FGD6: variants seen among roughly 807,000 people sequenced by gnomAD.
FGD6 encodes FYVE, RhoGEF and PH domain containing 6, also known as FYVE, RhoGEF and PH domain-containing protein 6.
FGD6 carries 90 observed loss-of-function variants against 149.4 expected under a neutral mutation model. The ratio of observed to expected loss-of-function variants is 0.60; its 90% CI spans 0.51 to 0.72. The LOEUF (loss-of-function observed/expected upper bound fraction) is 0.72. FGD6 is among the 30% of genes least tolerant of loss of function. FGD6 has a pLI of 0.00. For missense variants in FGD6, 1,437 were observed against 1,684.8 expected (o/e 0.85, Z 2.57); for synonymous variants, 527 against 584.0 (o/e 0.90, Z 1.41).
chr12:95,165,993 C>T (rs1280594069), intron 3 of FGD6, among the ~76,000 whole-genome samples: 4 of 143,608 alleles, frequency 2.8e-5, no homozygotes, highest in African/African-American at 1.0e-4. Context: ...TAGGGTCTTG[C>T]TCTGTTGCTC....
chr12:95,137,713 AAG>A, intron 6 of FGD6, 35 bp from the exon 7 acceptor site: 2 of 1,474,112 alleles, frequency 1.4e-6, no homozygotes, highest in African/African-American at 1.4e-5. Context: ...AAAAAATATA[AAG>A]AGAGATTGAT....
chr12:95,153,307 AG>A (rs1880364690), intron 3 of FGD6, among the ~76,000 whole-genome samples: 1 of 152,224 alleles, frequency 6.6e-6, no homozygotes, highest in South Asian at 2.1e-4. Context: ...AAAAGGCTAC[AG>A]GGGAAGTGGC....
intron 1 of FGD6, 108 bp downstream of exon 1, chr12:95,217,117 T>C (rs1191122327): frequency 1.3e-6 from 2 of 1,531,700 alleles, no homozygotes; most frequent in African/African-American, 2.8e-5. Flanking sequence ...TCGGCAAAGG[T>C]ACGGGGCACA....
intron 8 of FGD6, among the ~76,000 whole-genome samples, chr12:95,120,595 G>C (rs1474272699): frequency 6.6e-6 from 1 of 151,598 alleles, no homozygotes; most frequent in Non-Finnish European, 1.5e-5. Flanking sequence ...CTGAGGCAAG[G>C]AGAATTGCTT....
At chr12:95,185,690 G>A (rs1239363032) in intron 2 of FGD6, among the ~76,000 whole-genome samples, 1 of 152,176 alleles carries the variant, frequency 6.6e-6, no homozygotes, top group Non-Finnish European at 1.5e-5. Flanking sequence ...GCGAAACCTC[G>A]TCTCTTCTAA....
intron 8 of FGD6, among the ~76,000 whole-genome samples, chr12:95,127,120 T>A (rs7300443): frequency 0.63 from 94,382 of 148,924 alleles, 29,580 homozygotes; most frequent in East Asian, 0.68. Flanking sequence ...ACAGCCCTAC[T>A]TTTTTTTTTT....
At chr12:95,164,856 CA>C (rs1203134860) in intron 3 of FGD6, among the ~76,000 whole-genome samples, 2 of 152,090 alleles carry the variant, frequency 1.3e-5, no homozygotes, top group African/African-American at 4.8e-5. Flanking sequence ...TAAGTTATTT[CA>C]AAAATGAGGT....
intron 5 of FGD6, among the ~76,000 whole-genome samples, chr12:95,150,415 A>AG (rs397701782): frequency 2.0e-5 from 3 of 151,082 alleles, no homozygotes; most frequent in Non-Finnish European, 4.4e-5. Flanking sequence ...TCAGAGAGCA[A>AG]TAAGACAACC....
chr12:95,152,134 CG>C (rs762614363), intron 5 of FGD6, among the ~76,000 whole-genome samples: 2 of 151,896 alleles, frequency 1.3e-5, no homozygotes, highest in Non-Finnish European at 2.9e-5. Context: ...GAGATCAGCC[CG>C]GGTAACATGT....
chr12:95,172,170 G>A (rs1881011819), intron 3 of FGD6, among the ~76,000 whole-genome samples: 1 of 152,122 alleles, frequency 6.6e-6, no homozygotes, highest in African/African-American at 2.4e-5. Flanking sequence ...GAGGTCAGGA[G>A]TTTGAGGCCA....
intron 6 of FGD6, among the ~76,000 whole-genome samples, 165 bp downstream of exon 6, chr12:95,141,223 A>G (rs1879832366): frequency 6.6e-6 from 1 of 152,238 alleles, no homozygotes; most frequent in Non-Finnish European, 1.5e-5. Flanking sequence ...AATCTATCTC[A>G]AAAACAAAAA....
At chr12:95,117,500 T>C (rs938162964) in intron 8 of FGD6, among the ~76,000 whole-genome samples, 3 of 151,988 alleles carry the variant, frequency 2.0e-5, no homozygotes, top group Middle Eastern at 3.2e-3. Flanking sequence ...CCAATGCTCA[T>C]TGTAGCTTCA....
At chr12:95,099,246 C>T (rs1878342426) in intron 14 of FGD6, among the ~76,000 whole-genome samples, 1 of 152,164 alleles carries the variant, frequency 6.6e-6, no homozygotes, top group Non-Finnish European at 1.5e-5. Context: ...GTAGAGGCTC[C>T]ATATTCCTTA....
intron 3 of FGD6, among the ~76,000 whole-genome samples, chr12:95,166,854 CTTT>C (rs60585670): frequency 2.3e-4 from 25 of 107,760 alleles, no homozygotes; most frequent in Non-Finnish European, 2.7e-4. Context: ...GTTCTTTCTA[CTTT>C]TTTTTTTTTT....
At chr12:95,174,901 T>C (rs1881088086) in intron 2 of FGD6, among the ~76,000 whole-genome samples, 2 of 113,272 alleles carry the variant, frequency 1.8e-5, no homozygotes, top group South Asian at 5.9e-4. Flanking sequence ...CACTCCAGCC[T>C]GGGCGACAGA....
Position 95,095,488 on chromosome 12 carries a change from T to C in FGD6, c.3498-794A>G, listed in dbSNP as rs565480035. Among the ~76,000 whole-genome samples, 3 of 152,056 alleles carry C rather than the reference T, an allele frequency of 2.0e-5. No individual in the cohort carries two copies. The East Asian group carries it at 5.8e-4, about 29-fold the overall frequency. ...CTGTTTAAATTTTGTTTTGTATATT[T>C]AAAACTGAGAGGCACATGTTAGGTA... On this transcript the variant is annotated intron_variant, in intron 14 of 20. Coordinates refer to ENST00000343958, the MANE Select transcript of FGD6 (RefSeq NM_018351.4).
At chr12:95,166,740 C>A (rs911424479) in intron 3 of FGD6, among the ~76,000 whole-genome samples, 1 of 151,950 alleles carries the variant, frequency 6.6e-6, no homozygotes. Flanking sequence ...AAACTCCATG[C>A]CCATTATCAG....
At chr12:95,204,573 A>C (rs2056684047) in intron 2 of FGD6, among the ~76,000 whole-genome samples, 1 of 151,782 alleles carries the variant, frequency 6.6e-6, no homozygotes, top group Admixed American at 6.6e-5. Context: ...ATTCTTCCTT[A>C]GTCATCTCAT....
At chr12:95,083,397 CAAT>C (rs980195186) in intron 20 of FGD6, among the ~76,000 whole-genome samples, 4 of 151,602 alleles carry the variant, frequency 2.6e-5, no homozygotes, top group African/African-American at 7.3e-5. Flanking sequence ...CTTGTCAACT[CAAT>C]GATATAAGCA....
Sources: allele counts gnomAD v4.1 joint callset (sites outside exome capture counted in the v4.1 genomes callset), GRCh38; gene constraint gnomAD v4.1.1; transcripts MANE v1.5; gene names NCBI Gene and HGNC (gene_info 2026-07-23, HGNC 2026-07-21).